The following RBFOX1 variants were observed in gnomAD, a reference collection of about 807,000 sequenced individuals.
RBFOX1 encodes RNA binding protein fox-1 homolog 1.
A neutral mutation model predicts 57.7 loss-of-function variants in RBFOX1; 8 were observed. The observed-to-expected ratio is 0.14, with a 90% confidence interval of 0.08 to 0.25. RBFOX1 has a LOEUF of 0.25. Ranked by LOEUF, RBFOX1 falls within the 10% of genes least tolerant of loss-of-function variation. RBFOX1 has a pLI of 1.00. For missense variants in RBFOX1, 611 were observed against 548.5 expected (o/e 1.11, Z -1.14); for synonymous variants, 326 against 222.4 (o/e 1.47, Z -4.15).
chr16:6,636,389 C>T (rs1165290099), intron 2 of RBFOX1, among the ~76,000 whole-genome samples: 3 of 152,048 alleles, frequency 2.0e-5, no homozygotes, highest in Non-Finnish European at 4.4e-5. Flanking sequence ...CCAGGATGGT[C>T]TCGATCTCCT....
chr16:6,881,849 G>A (rs1234880334), intron 3 of RBFOX1, among the ~76,000 whole-genome samples: 1 of 140,658 alleles, frequency 7.1e-6, no homozygotes, highest in Admixed American at 6.9e-5. Flanking sequence ...AGGAAACTGA[G>A]GCTGAAAAAT....
intron 1 of RBFOX1, among the ~76,000 whole-genome samples, chr16:6,046,042 G>A (rs1567326266): frequency 6.6e-6 from 1 of 152,220 alleles, no homozygotes; most frequent in Non-Finnish European, 1.5e-5. Context: ...AGGACTTTGA[G>A]TGCTTTTCTA....
intron 3 of RBFOX1, among the ~76,000 whole-genome samples, chr16:5,730,919 C>A (rs372799328): frequency 6.6e-6 from 1 of 152,088 alleles, no homozygotes; most frequent in East Asian, 1.9e-4. Flanking sequence ...TCTCCACTGC[C>A]ATTGTCACTG....
chr16:5,563,743 A>G (rs1011015436), intron 2 of RBFOX1, among the ~76,000 whole-genome samples: 5 of 152,178 alleles, frequency 3.3e-5, no homozygotes, highest in African/African-American at 1.2e-4. Flanking sequence ...GGCTTCTCAT[A>G]TATTCACAGA....
At chr16:5,850,149 C>T (rs1351586284) in intron 3 of RBFOX1, among the ~76,000 whole-genome samples, 1 of 152,152 alleles carries the variant, frequency 6.6e-6, no homozygotes, top group Admixed American at 6.5e-5. Context: ...GGGAAAGGAA[C>T]TTCCAATTAA....
intron 3 of RBFOX1, among the ~76,000 whole-genome samples, chr16:6,935,433 T>A (rs995212269): frequency 6.6e-6 from 1 of 152,186 alleles, no homozygotes; most frequent in Admixed American, 6.5e-5. Flanking sequence ...AATCTTTTTC[T>A]CTCTCTTCTT....
chr16:5,474,399 A>T (rs2069246254), intron 2 of RBFOX1, among the ~76,000 whole-genome samples: 1 of 152,228 alleles, frequency 6.6e-6, no homozygotes, highest in Non-Finnish European at 1.5e-5. Flanking sequence ...CACTCCTGTG[A>T]TCCCAGCACT....
chr16:7,308,468 A>G (rs938956932), intron 4 of RBFOX1, among the ~76,000 whole-genome samples: 1 of 152,196 alleles, frequency 6.6e-6, no homozygotes, highest in Non-Finnish European at 1.5e-5. Context: ...ATTTAAAAAT[A>G]CGTCAAATGC....
intron 1 of RBFOX1, among the ~76,000 whole-genome samples, chr16:5,307,552 G>A (rs2063970048): frequency 6.6e-6 from 1 of 152,150 alleles, no homozygotes. Flanking sequence ...AGTGTGAGGT[G>A]CTTTATTCCA....
At chr16:7,511,535 A>C (rs906384866) in intron 4 of RBFOX1, among the ~76,000 whole-genome samples, 7 of 152,328 alleles carry the variant, frequency 4.6e-5, no homozygotes, top group Non-Finnish European at 8.8e-5. Flanking sequence ...ACACTATGCT[A>C]ATAGTCAGAT....
At chr16:7,376,325 C>G (rs1485775705) in intron 4 of RBFOX1, among the ~76,000 whole-genome samples, 1 of 152,168 alleles carries the variant, frequency 6.6e-6, no homozygotes, top group Non-Finnish European at 1.5e-5. Context: ...CAAATGTATT[C>G]CATGTGAAAT....
intron 2 of RBFOX1, among the ~76,000 whole-genome samples, chr16:6,507,983 A>C (rs535367438): frequency 3.3e-5 from 5 of 152,290 alleles, no homozygotes; most frequent in African/African-American, 1.2e-4. Context: ...TCAATGATAG[A>C]CTGGATAAAG....
At chr16:7,044,180 T>C (rs2153712671) in intron 3 of RBFOX1, among the ~76,000 whole-genome samples, 1 of 152,230 alleles carries the variant, frequency 6.6e-6, no homozygotes, top group South Asian at 2.1e-4. Flanking sequence ...TATGTGCATG[T>C]GTGGGTATGG....
At chr16:6,162,159 C>G (rs992747120) in intron 1 of RBFOX1, among the ~76,000 whole-genome samples, 4 of 152,130 alleles carry the variant, frequency 2.6e-5, no homozygotes, top group African/African-American at 9.7e-5. Context: ...ACTCTGTCAC[C>G]CAGGCTGGAG....
At chr16:5,250,052 T>TAGTGAGGAGGAGGTTGC (rs1175605724) in intron 1 of RBFOX1, among the ~76,000 whole-genome samples, 5 of 147,404 alleles carry the variant, frequency 3.4e-5, no homozygotes, top group South Asian at 4.3e-4. Flanking sequence ...GAGGAGGTTG[T>TAGTGAGGAGGAGGTTGC]AGTGAGGAGG....
chr16:5,491,356 C>A (rs2042822508), intron 2 of RBFOX1, among the ~76,000 whole-genome samples: 1 of 152,052 alleles, frequency 6.6e-6, no homozygotes, highest in Admixed American at 6.6e-5. Flanking sequence ...GTTAATTTTG[C>A]CTGTTTGGAA....
chr16:7,021,815 T>A (rs910385139), intron 3 of RBFOX1, among the ~76,000 whole-genome samples: 5 of 151,196 alleles, frequency 3.3e-5, no homozygotes, highest in African/African-American at 1.2e-4. Flanking sequence ...CTTTATAGAT[T>A]TATTTCTAAT....
chr16:6,422,746 G>T (rs572115684), intron 2 of RBFOX1, among the ~76,000 whole-genome samples: 1 of 152,216 alleles, frequency 6.6e-6, no homozygotes, highest in South Asian at 2.1e-4. Flanking sequence ...GCACCAAGGG[G>T]ATGGTGCCAA....
intron 3 of RBFOX1, chr16:6,705,205 A>G (rs2062514823): frequency 6.6e-6 from 1 of 152,176 alleles, no homozygotes; most frequent in African/African-American, 2.4e-5. Flanking sequence ...AAGTCCTTTT[A>G]AATGAACAAA....
Sources: gnomAD v4.1 joint callset for allele counts (sites outside exome capture counted in the v4.1 genomes callset) on GRCh38, gnomAD v4.1.1 for gene constraint, MANE v1.5 for transcripts, NCBI Gene and HGNC (gene_info 2026-07-23, HGNC 2026-07-21) for gene names.